Variants in BAG6 observed in about 807,000 individuals in gnomAD.
The protein encoded by BAG6 is BAG cochaperone 6, also known as large proline-rich protein BAG6.
In BAG6, 22 loss-of-function variants were observed where a neutral mutation model predicts 121.0. The ratio of observed to expected loss-of-function variants is 0.18; its 90% CI spans 0.13 to 0.26. The LOEUF is 0.26. Ranked by LOEUF, BAG6 falls within the 10% of genes least tolerant of loss-of-function variation. The pLI, the probability that BAG6 is intolerant of heterozygous loss-of-function variation, is 1.00. For missense variants in BAG6, 1,233 were observed against 1,537.7 expected (o/e 0.80, Z 3.31); for synonymous variants, 583 against 584.6 (o/e 1.00, Z 0.04).
Position 31,641,832 on chromosome 6 carries a change from A to C in BAG6, c.2449T>G (p.Ser817Ala). The change falls in exon 17 of 26, where the codon TCC becomes GCC. Residue 817 changes from serine (S) to alanine (A), a missense_variant. By Grantham distance (99) the Ser-to-Ala change is moderately conservative. Transcript: ENST00000676615. This position sits in a 1 kb window ranked among gnomAD's most constrained non-coding sequence, Gnocchi z 5.7. ...PLQRLQPQLR[S>A]FFHQHYLGGQ... Reference sequence around the variant, plus strand: ...CCCAGGTAGTGCTGGTGGAAGAAGGATCGCAGCTGGGGCTGGAGCCGTTGT... The same window carrying C: ...CCCAGGTAGTGCTGGTGGAAGAAGGCTCGCAGCTGGGGCTGGAGCCGTTGT... The C allele has an allele frequency of 6.2e-7, 1 of 1,613,104 alleles. No individual in the cohort carries two copies. The highest frequency in any genetic ancestry group is 2.2e-5 in the East Asian group (1 of 44,884).
At chr6:31,639,782 G>T in intron 24 of BAG6, 136 bp from the exon 25 acceptor site, 1 of 1,131,932 alleles carries the variant, frequency 8.8e-7, no homozygotes, top group Non-Finnish European at 1.2e-6. Context: ...AAGAGTCCAG[G>T]ATGTGGTTTT....
chr6:31,652,357 A>ACACCCACACACC lies in BAG6; in HGVS notation c.-14+66_-14+67insGGTGTGTGGGTG, dbSNP rs1798320918. On this transcript the variant is annotated intron_variant, in intron 1 of 25. Coordinates refer to ENST00000676615, the MANE Select transcript of BAG6 (RefSeq NM_001387994.1). Reference sequence around the variant, plus strand: ...CACACACACACACACACACACACACACACCCACCACCCCGCGGCTCCGCCC... The same window carrying ACACCCACACACC: ...CACACACACACACACACACACACACACACCCACACACCCACCCACCACCCCGCGGCTCCGCCC... 4 of 143,070 alleles carry ACACCCACACACC rather than the reference A, an allele frequency of 2.8e-5. No homozygotes were observed. In the South Asian group the frequency reaches 6.4e-4, roughly 23 times the overall value. 8.9% of individuals were successfully genotyped at this position (143,070 alleles called of 1,614,324 possible). A position where few individuals can be genotyped will look rare whatever the true frequency, so the allele number is the denominator to read the frequency against.
Position 31,642,000 on chromosome 6 carries a change from C to A in BAG6, c.2336-55G>T. 6.2e-7 allele frequency: 1 copy of A among 1,602,518 alleles called. No individual in the cohort carries two copies. The highest frequency in any genetic ancestry group is 8.5e-7 in the Non-Finnish European group (1 of 1,173,280). Reference sequence around the variant, plus strand: ...GCCTTTACCACCTGGCCTGCCCACCCACAACCAGATCATCAACCTCATCCC... The same window carrying A: ...GCCTTTACCACCTGGCCTGCCCACCAACAACCAGATCATCAACCTCATCCC... On this transcript the variant is annotated intron_variant, in intron 16 of 25. Transcript: ENST00000676615. The surrounding 1 kb of genome is among the most constrained non-coding windows in gnomAD (Gnocchi z 5.7).
chr6:31,651,302 G>A (rs1484014118), intron 2 of BAG6, among the ~76,000 whole-genome samples: 1 of 152,250 alleles, frequency 6.6e-6, no homozygotes, highest in Non-Finnish European at 1.5e-5. Flanking sequence ...ACTTTGGGAG[G>A]CCGAGGAGGG....
intron 2 of BAG6, among the ~76,000 whole-genome samples, chr6:31,650,263 G>A (rs1305997537): frequency 1.3e-5 from 2 of 152,038 alleles, no homozygotes; most frequent in African/African-American, 2.4e-5. Context: ...AACACAAGAT[G>A]ATACCAGTTT....
chr6:31,645,985 T>G (rs1210605537), intron 8 of BAG6, among the ~76,000 whole-genome samples: 5 of 152,176 alleles, frequency 3.3e-5, no homozygotes, highest in Non-Finnish European at 7.3e-5. Flanking sequence ...ATGTGTGTTT[T>G]TTTGTTTTGT....
At chr6:31,645,674 A>G in intron 8 of BAG6, 70 bp from the exon 9 acceptor site, 1 of 1,547,524 alleles carries the variant, frequency 6.5e-7, no homozygotes, top group South Asian at 1.2e-5. Flanking sequence ...TAATAAAAGC[A>G]ATAATGCCTA....
Position 31,644,891 on chromosome 6 carries a change from C to T in BAG6, c.1369+55G>A. 6.5e-7 allele frequency: 1 copy of T among 1,540,944 alleles called. No homozygotes were observed. Among genetic ancestry groups the T allele is most frequent in the Non-Finnish European group, 8.7e-7 (1 of 1,144,038 alleles). On this transcript the variant is annotated intron_variant, in intron 10 of 25. Transcript: ENST00000676615. This position sits in a 1 kb window ranked among gnomAD's most constrained non-coding sequence, Gnocchi z 4.9. ...CCCACCCTGTTCCCTCACACCTCAG[C>T]ATGAACCTCCCTCATCATGCTGATC...
Position 31,644,311 on chromosome 6 carries a change from G to T in BAG6, c.1551C>A (p.Ala517=). 2 of 1,551,896 alleles carry T rather than the reference G, an allele frequency of 1.3e-6. No individual in the cohort carries two copies. The highest frequency in any genetic ancestry group is 1.7e-6 in the Non-Finnish European group (2 of 1,147,192). The change falls in exon 12 of 26, where the codon GCC becomes GCA. Residue 517 remains alanine (A), a synonymous_variant. Transcript: ENST00000676615. The surrounding 1 kb of genome is among the most constrained non-coding windows in gnomAD (Gnocchi z 4.9). ...CCTCCCCTTCCAGGTCATTACCTGC[G>T]GCCGCGGAGGCAACAGCTGCCACCA... ...QAMVAAVASA[A]AGQQVPGFPT... is the part of the protein sequence containing the mutation.
intron 4 of BAG6, 54 bp downstream of exon 4, chr6:31,649,145 C>T: frequency 1.3e-6 from 2 of 1,597,410 alleles, no homozygotes; most frequent in South Asian, 2.2e-5. Context: ...TTCCCTGGTG[C>T]TACCACAACC....
Position 31,645,027 on chromosome 6 carries a change from G to C in BAG6, c.1288C>G (p.Pro430Ala). The C allele has an allele frequency of 6.2e-7, 1 of 1,612,182 alleles. No individual in the cohort carries two copies. The highest frequency in any genetic ancestry group is 1.1e-5 in the South Asian group (1 of 91,002). ...ATGACCCTCGGGTGGCTGGTGGCTG[G>C]CGGGGGAGCTGGACCTGGCGGGGGA... is the stretch of plus-strand genomic sequence containing the variant. Reference protein sequence around the residue: ...GAPPPGPAPPPATSHPRVIRI... With the variant: ...GAPPPGPAPPAATSHPRVIRI... Residue 430 changes from proline (P) to alanine (A), a missense_variant, in exon 10 of 26, where the codon CCA becomes GCA. Physicochemically the swap from Pro to Ala is conservative, Grantham distance 27 (BLOSUM62 -1). Coordinates refer to ENST00000676615, the MANE Select transcript of BAG6 (RefSeq NM_001387994.1).
chr6:31,647,387 G>A (rs768419294), intron 7 of BAG6, among the ~76,000 whole-genome samples: 3 of 152,170 alleles, frequency 2.0e-5, no homozygotes, highest in Non-Finnish European at 2.9e-5. Flanking sequence ...GGATTTCCTT[G>A]CCGTAGGGAG....
In BAG6 at chr6:31,644,013, C is replaced by T. The variant is rs1378336188; in HGVS notation, c.1669-36G>A. ...AGCAAGGGAGAATTTCAGACCTGCCCTTCCATGCACCACCACAGGAGTCTC... is the reference window on the plus strand; with the variant it reads ...AGCAAGGGAGAATTTCAGACCTGCCTTTCCATGCACCACCACAGGAGTCTC... On this transcript the variant is annotated intron_variant, in intron 13 of 25. Transcript: ENST00000676615. The surrounding 1 kb of genome is among the most constrained non-coding windows in gnomAD (Gnocchi z 4.9). The T allele has an allele frequency of 8.7e-6, 14 of 1,613,304 alleles. No homozygotes were observed. The highest frequency in any genetic ancestry group is 6.7e-5 in the Admixed American group (4 of 59,964).
At position 31,643,901 on chromosome 6, in the gene BAG6, G is replaced by A. The variant is rs1452411132; in HGVS notation, c.1745C>T (p.Pro582Leu). 1.2e-6 allele frequency: 2 copies of A among 1,613,064 alleles called. No individual in the cohort carries two copies. Among genetic ancestry groups the A allele is most frequent in the Non-Finnish European group, 1.7e-6 (2 of 1,180,020 alleles). Residue 582 changes from proline to leucine, a missense_variant, in exon 14 of 26, where the codon CCA (proline) becomes CTA (leucine). This residue lies in a region of BAG6 where 777 missense variants were observed against 861.4 expected (regional missense o/e 0.90). Transcript: ENST00000676615. ...GAATGAAAACTCACCCACAAGGACT[G>A]GCTGCATAAGAAGCTGCCCCACAAG... is the stretch of plus-strand genomic sequence containing the variant. ...SGLVGQLLMQ[P>L]VLVAQGTPGM...
In BAG6 at chr6:31,639,071, T is replaced by TA; in HGVS notation, c.*59dup. On this transcript the variant is annotated 3_prime_UTR_variant, in exon 26 of 26. Transcript: ENST00000676615. ...AAAAATCCGACTTTTATTTCTTAAA[T>TA]ACTGTGAAGGAAGAGGGGGGAAACG... is the stretch of plus-strand genomic sequence containing the variant. 7.1e-7 allele frequency: 1 copy of TA among 1,410,108 alleles called. No homozygotes were observed. Among genetic ancestry groups the TA allele is most frequent in the Non-Finnish European group, 9.8e-7 (1 of 1,016,322 alleles). 87.3% of individuals were successfully genotyped at this position (1,410,108 alleles called of 1,614,324 possible). A position where few individuals can be genotyped will look rare whatever the true frequency, so the allele number is the denominator to read the frequency against.
chr6:31,640,976 C>A lies in BAG6; in HGVS notation c.2788-38G>T, dbSNP rs763127925. ...AAGCAGATTTAGAACACAAAACCCT[C>A]AACCACCTTTAGAAATAGATTAGAT... On this transcript the variant is annotated intron_variant, in intron 20 of 25. Transcript: ENST00000676615. The surrounding 1 kb of genome is among the most constrained non-coding windows in gnomAD (Gnocchi z 4.2). 1.2e-6 allele frequency: 2 copies of A among 1,605,428 alleles called. No individual in the cohort carries two copies. Among genetic ancestry groups the A allele is most frequent in the Non-Finnish European group, 1.7e-6 (2 of 1,175,280 alleles).
Position 31,649,462 on chromosome 6 carries a change from C to A in BAG6, c.226+48G>T, listed in dbSNP as rs549625047. On this transcript the variant is annotated intron_variant, in intron 3 of 25. Transcript: ENST00000676615. ...GTAAACCCATGGCCTCAGTTCATCC[C>A]TCCAGACAGTAGCCCCAACCTCTGA... 28 of 1,612,898 alleles carry A rather than the reference C, an allele frequency of 1.7e-5. No individual in the cohort carries two copies. The South Asian group carries it at 3.0e-4, about 17-fold the overall frequency.
In BAG6 at chr6:31,647,838, G is replaced by C. The variant is rs775405207; in HGVS notation, c.553-12C>G. On this transcript the variant is annotated splice_polypyrimidine_tract_variant and intron_variant, in intron 6 of 25. Transcript: ENST00000676615. ...GGCCCTCCTCGACACTGAAGGTAGG[G>C]GAGAGTCAGGATACCAAAGGCAGGG... is the stretch of plus-strand genomic sequence containing the variant. The C allele has an allele frequency of 5.2e-6, 8 of 1,524,540 alleles. No homozygotes were observed. The highest frequency in any genetic ancestry group is 1.8e-4 in the Middle Eastern group (1 of 5,666). 94.4% of individuals were successfully genotyped at this position (1,524,540 alleles called of 1,614,324 possible). A position where few individuals can be genotyped will look rare whatever the true frequency, so the allele number is the denominator to read the frequency against.
chr6:31,647,123 G>A (rs1412617784), intron 7 of BAG6, among the ~76,000 whole-genome samples: 2 of 151,478 alleles, frequency 1.3e-5, no homozygotes, highest in African/African-American at 2.4e-5. Flanking sequence ...GGCTGGTCTC[G>A]AACTCCTGAC....
Sources: allele counts gnomAD v4.1 joint callset (sites outside exome capture counted in the v4.1 genomes callset), GRCh38; gene constraint gnomAD v4.1.1; regional missense constraint gnomAD v4.1.1; non-coding constraint Gnocchi (gnomAD v3.1); transcripts MANE v1.5; gene names NCBI Gene and HGNC (gene_info 2026-07-23, HGNC 2026-07-21).